Variants in PCNT observed in about 807,000 individuals in gnomAD.
The protein encoded by PCNT is kendrin.
A neutral mutation model predicts 380.4 loss-of-function variants in PCNT; 319 were observed. That is an observed-to-expected ratio of 0.84 (90% CI 0.77 to 0.92). The LOEUF (loss-of-function observed/expected upper bound fraction) is 0.92, where lower values mean the gene tolerates loss of function less well. PCNT is among the 40% of genes least tolerant of loss of function. The pLI, the probability that PCNT is intolerant of heterozygous loss-of-function variation, is 0.00. For synonymous variants in PCNT, 1,845 were observed against 1,735.2 expected (o/e 1.06, Z -1.57); for missense variants, 4,400 against 4,255.3 (o/e 1.03, Z -0.95).
intron 13 of PCNT, 37 bp downstream of exon 13, chr21:46,357,228 G>T: frequency 2.8e-6 from 4 of 1,405,472 alleles, no homozygotes; most frequent in Non-Finnish European, 4.0e-6. Flanking sequence ...CCTCCCGCCC[G>T]AGTCCTTGCT....
At chr21:46,392,185 C>G (rs1051107943) in intron 21 of PCNT, among the ~76,000 whole-genome samples, 1 of 151,916 alleles carries the variant, frequency 6.6e-6, no homozygotes, top group Non-Finnish European at 1.5e-5. Flanking sequence ...GATTTTTGCC[C>G]TTGTTCGTGT....
intron 2 of PCNT, among the ~76,000 whole-genome samples, chr21:46,328,374 T>C (rs1259112268): frequency 6.6e-6 from 1 of 152,088 alleles, no homozygotes; most frequent in Non-Finnish European, 1.5e-5. Flanking sequence ...GCGATCTTCC[T>C]GCCTCAGGCT....
At chr21:46,444,272 G>A (rs1409380001) in intron 45 of PCNT, among the ~76,000 whole-genome samples, 2 of 152,186 alleles carry the variant, frequency 1.3e-5, no homozygotes, top group African/African-American at 2.4e-5. Flanking sequence ...GAAGCTCTGG[G>A]TGGAGAGGGA....
Position 46,441,453 on chromosome 21 carries a change from G to A in PCNT, c.9623+369G>A, listed in dbSNP as rs186835979. On this transcript the variant is annotated intron_variant, in intron 43 of 46. Coordinates refer to ENST00000359568, the MANE Select transcript of PCNT (RefSeq NM_006031.6). ...ACAGAGGTGTTTCCCAAGGCCACGC[G>A]CGGGCCTGTCTGGAGTAGCAGATGC... 3.5e-4 allele frequency among the ~76,000 whole-genome samples: 54 copies of A among 152,292 alleles called. 1 individual carries two copies. The South Asian group carries it at 6.6e-3, about 19-fold the overall frequency.
chr21:46,440,014 G>T, intron 41 of PCNT, 69 bp from the exon 42 acceptor site: 3 of 1,598,054 alleles, frequency 1.9e-6, no homozygotes, highest in East Asian at 2.3e-5. Flanking sequence ...ACCTGCCCCC[G>T]GCTGCGTCTC....
rs374796010 is a variant in PCNT, at chr21:46,347,482, A to G, written c.1002A>G (p.Ser334=). ...EAAELKEKLQ[S]EMEKNAQIVK... ...CTGAGCTGAAGGAGAAGTTACAATC[A>G]GAAATGGAGAAAAACGCCCAGATAG... Residue 334 remains serine (S), a synonymous_variant, in exon 6 of 47, where the codon TCA becomes TCG. Transcript: ENST00000359568. 1.2e-5 allele frequency: 20 copies of G among 1,614,020 alleles called. No homozygotes were observed. Among genetic ancestry groups the G allele is most frequent in the Non-Finnish European group, 1.7e-5 (20 of 1,180,038 alleles).
intron 33 of PCNT, 99 bp from the exon 34 acceptor site, chr21:46,427,523 C>A (rs1212163663): frequency 1.5e-6 from 2 of 1,377,556 alleles, no homozygotes; most frequent in Non-Finnish European, 2.1e-6. Context: ...AATCACCTCC[C>A]GCAGGCCCCA....
chr21:46,440,172 C>A lies in PCNT; in HGVS notation c.9363C>A (p.Ala3121=), dbSNP rs144262961. 4.8e-5 allele frequency: 77 copies of A among 1,614,130 alleles called. No individual in the cohort carries two copies. The African/African-American group carries it at 7.9e-4, about 16-fold the overall frequency. Residue 3121 remains alanine, a synonymous_variant, in exon 42 of 47, where the codon GCC becomes GCA. Transcript: ENST00000359568. Reference sequence around the variant, plus strand: ...ACCCCGGCCGGCTTCCACCAGCTGCCAGCGAGGAAGCACACACCAGCAATG... The same window carrying A: ...ACCCCGGCCGGCTTCCACCAGCTGCAAGCGAGGAAGCACACACCAGCAATG... The part of the protein sequence containing the change: ...RPDPGRLPPA[A]SEEAHTSNVK...
intron 32 of PCNT, among the ~76,000 whole-genome samples, chr21:46,424,167 C>T (rs1478873282): frequency 6.6e-6 from 1 of 152,170 alleles, no homozygotes; most frequent in Non-Finnish European, 1.5e-5. Flanking sequence ...TCTAATAGCC[C>T]CTGTGGTCCC....
rs950787365 is a variant in PCNT, at chr21:46,413,546, A to C, written c.6150+554A>C. On this transcript the variant is annotated intron_variant, in intron 29 of 46. Coordinates refer to ENST00000359568, the MANE Select transcript of PCNT (RefSeq NM_006031.6). The stretch of plus-strand genomic sequence containing the variant: ...TGTTGTGAAATTTCGTACGTGCTTC[A>C]TTTAAGCCACTCTGTAGAAACAATC... Among the ~76,000 whole-genome samples, 3 of 152,216 alleles carry C rather than the reference A, an allele frequency of 2.0e-5. No individual in the cohort carries two copies. The East Asian group carries it at 5.8e-4, about 29-fold the overall frequency.
chr21:46,346,014 C>A, intron 3 of PCNT, 114 bp from the exon 4 acceptor site: 1 of 978,964 alleles, frequency 1.0e-6, no homozygotes, highest in Non-Finnish European at 1.6e-6. Context: ...AGTGGTGCTG[C>A]TGTGAACAGC....
Position 46,445,470 on chromosome 21 carries a change from T to C in PCNT, c.*143T>C. The C allele has an allele frequency of 1.3e-6, 1 of 755,184 alleles. No homozygotes were observed. The highest frequency in any genetic ancestry group is 2.4e-6 in the Non-Finnish European group (1 of 411,904). 46.8% of individuals were successfully genotyped at this position (755,184 alleles called of 1,614,324 possible). ...CAGCCCCCAGATGCCTTGAATTAAG[T>C]GTCCTCACCTTTATGCATGACTGCA... On this transcript the variant is annotated 3_prime_UTR_variant, in exon 47 of 47. Transcript: ENST00000359568.
chr21:46,363,996 G>C, intron 14 of PCNT, 62 bp downstream of exon 14: 1 of 1,496,242 alleles, frequency 6.7e-7, no homozygotes, highest in South Asian at 1.1e-5. Flanking sequence ...AGGGTAGAAG[G>C]TGGGCAGGCT....
intron 6 of PCNT, among the ~76,000 whole-genome samples, chr21:46,347,898 T>A (rs1258398619): frequency 6.6e-6 from 1 of 151,830 alleles, no homozygotes; most frequent in African/African-American, 2.4e-5. Flanking sequence ...GGGAGGAGGT[T>A]TTGGGTGGGG....
At chr21:46,414,857 CCCT>C (rs4050292) in intron 29 of PCNT, among the ~76,000 whole-genome samples, 25,363 of 148,626 alleles carry the variant, frequency 0.17, 4,052 homozygotes, top group African/African-American at 0.42. Context: ...CAGACACCTA[CCCT>C]CCTCCTGCTG....
At position 46,385,836 on chromosome 21, in the gene PCNT, A is replaced by G. The variant is rs2085810372; in HGVS notation, c.3317A>G (p.Lys1106Arg). 1 of 1,614,236 alleles carries G rather than the reference A, an allele frequency of 6.2e-7. No individual in the cohort carries two copies. Among genetic ancestry groups the G allele is most frequent in the East Asian group, 2.2e-5 (1 of 44,886 alleles). Residue 1106 changes from lysine (K) to arginine (R), a missense_variant, in exon 17 of 47, where the codon AAA becomes AGA. Transcript: ENST00000359568. ...TTTAACCATTTTTCTCGATAGCTGAAAGACCAGGTTTTATCCTTAAGTCAC... is the reference window on the plus strand; with the variant it reads ...TTTAACCATTTTTCTCGATAGCTGAGAGACCAGGTTTTATCCTTAAGTCAC... Reference protein sequence around the residue: ...QKKNHQVQQLKDQVLSLSHEI... With the variant: ...QKKNHQVQQLRDQVLSLSHEI...
At chr21:46,395,390 C>T (rs1423665431) in intron 21 of PCNT, among the ~76,000 whole-genome samples, 1 of 152,064 alleles carries the variant, frequency 6.6e-6, no homozygotes, top group Non-Finnish European at 1.5e-5. Context: ...AAAATAGAGA[C>T]TTCGGGACTC....
chr21:46,388,060 A>G lies in PCNT; in HGVS notation c.3465-682A>G, dbSNP rs1206049358. On this transcript the variant is annotated intron_variant, in intron 17 of 46. Coordinates refer to ENST00000359568, the MANE Select transcript of PCNT (RefSeq NM_006031.6). This position sits in a 1 kb window ranked among gnomAD's most constrained non-coding sequence, Gnocchi z 4.2. Reference sequence around the variant, plus strand: ...CCCATCTCTACTAAAAATACAAAAAATTAGCCGGGCGTGGTGACAGACGCC... The same window carrying G: ...CCCATCTCTACTAAAAATACAAAAAGTTAGCCGGGCGTGGTGACAGACGCC... Among the ~76,000 whole-genome samples the G allele has an allele frequency of 6.6e-6, 1 of 152,042 alleles. No homozygotes were observed. The highest frequency in any genetic ancestry group is 1.5e-5 in the Non-Finnish European group (1 of 67,990).
At chr21:46,430,275 C>T (rs1245062262) in intron 36 of PCNT, 43 bp downstream of exon 36, 4 of 1,549,002 alleles carry the variant, frequency 2.6e-6, no homozygotes, top group Admixed American at 1.8e-5. Flanking sequence ...GGGAGTCCCC[C>T]CGTTGTGCCA....
Sources: allele counts gnomAD v4.1 joint callset (sites outside exome capture counted in the v4.1 genomes callset), GRCh38; gene constraint gnomAD v4.1.1; non-coding constraint Gnocchi (gnomAD v3.1); transcripts MANE v1.5; gene names NCBI Gene and HGNC (gene_info 2026-07-23, HGNC 2026-07-21).